The following ST8SIA6 variants were observed in gnomAD, a reference collection of about 807,000 sequenced individuals.
The protein encoded by ST8SIA6 is alpha-2,8-sialyltransferase 8F.
ST8SIA6 carries 39 observed loss-of-function variants against 33.6 expected under a neutral mutation model. That is an observed-to-expected ratio of 1.16 (90% confidence interval 0.90 to 1.52). ST8SIA6 has a LOEUF of 1.52. ST8SIA6 is among the 40% of genes most tolerant of loss of function. The pLI is 0.00. For synonymous variants in ST8SIA6, 172 were observed against 167.2 expected (o/e 1.03, Z -0.22); for missense variants, 441 against 443.8 (o/e 0.99, Z 0.06).
chr10:17,317,660 T>C lies in ST8SIA6; in HGVS notation c.*3218A>G, dbSNP rs1588767079. The stretch of plus-strand genomic sequence containing the variant: ...TCCACTTTTCCCAAAGCTTCCTAAT[T>C]CATGGAGTGATTTACGGTACTTGAC... On this transcript the variant is annotated 3_prime_UTR_variant, in exon 8 of 8. Coordinates refer to ENST00000377602, the MANE Select transcript of ST8SIA6 (RefSeq NM_001004470.3). Among the ~76,000 whole-genome samples the C allele has an allele frequency of 2.6e-5, 4 of 152,320 alleles. No individual in the cohort carries two copies. The highest frequency in any genetic ancestry group is 6.5e-5 in the Admixed American group (1 of 15,290).
intron 2 of ST8SIA6, chr10:17,410,394 C>G (rs2131693782): frequency 6.6e-6 from 1 of 152,306 alleles, no homozygotes; most frequent in Non-Finnish European, 1.5e-5. Context: ...AGGAGGAAAA[C>G]TACTTCATTC....
rs76871431 is a variant in ST8SIA6, at chr10:17,390,337, C to T, written c.290+194G>A. On this transcript the variant is annotated intron_variant, in intron 3 of 7. Coordinates refer to ENST00000377602, the MANE Select transcript of ST8SIA6 (RefSeq NM_001004470.3). ...CCAGGGACAAATAAGTTGAGTCCCA[C>T]TGCCAGGGTCTGACCCTGGTACACA... 6.7e-3 allele frequency among the ~76,000 whole-genome samples: 1,026 copies of T among 152,280 alleles called. 15 individuals are homozygous for T. Among genetic ancestry groups the T allele is most frequent in the African/African-American group, 0.024 (992 of 41,536 alleles).
At position 17,316,379 on chromosome 10, in the gene ST8SIA6, C is replaced by T. The variant is rs1286300210; in HGVS notation, c.*4499G>A. On this transcript the variant is annotated 3_prime_UTR_variant, in exon 8 of 8. Coordinates refer to ENST00000377602, the MANE Select transcript of ST8SIA6 (RefSeq NM_001004470.3). ...TGTATCATATTCCACACTATGGATC[C>T]AGTCAAGTTAGTTCACTGACTTCCG... Among the ~76,000 whole-genome samples, 3 of 152,086 alleles carry T rather than the reference C, an allele frequency of 2.0e-5. No individual in the cohort carries two copies. Among genetic ancestry groups the T allele is most frequent in the Non-Finnish European group, 4.4e-5 (3 of 67,950 alleles).
At chr10:17,351,329 C>T (rs1184775336) in intron 4 of ST8SIA6, among the ~76,000 whole-genome samples, 3 of 151,496 alleles carry the variant, frequency 2.0e-5, no homozygotes, top group Admixed American at 2.0e-4. Context: ...TTGGAAAATT[C>T]ATCTCAATTC....
intron 4 of ST8SIA6, among the ~76,000 whole-genome samples, chr10:17,352,220 A>G (rs1307346923): frequency 6.6e-6 from 1 of 152,202 alleles, no homozygotes; most frequent in Non-Finnish European, 1.5e-5. Flanking sequence ...AAACTCTTCA[A>G]AAAGTCCAAA....
intron 2 of ST8SIA6, among the ~76,000 whole-genome samples, chr10:17,449,847 T>G (rs1852846027): frequency 6.6e-6 from 1 of 152,150 alleles, no homozygotes; most frequent in East Asian, 1.9e-4. Flanking sequence ...GGGAGAAAGA[T>G]GGGGGCAATA....
intron 2 of ST8SIA6, among the ~76,000 whole-genome samples, chr10:17,414,023 A>AATACACGCCTCCTATCTTC (rs980865551): frequency 2.0e-5 from 3 of 152,140 alleles, no homozygotes; most frequent in African/African-American, 4.8e-5. Context: ...CCCCATGCCC[A>AATACACGCCTCCTATCTTC]ATACACGCCT....
At chr10:17,414,915 AT>A (rs1851556839) in intron 2 of ST8SIA6, among the ~76,000 whole-genome samples, 1 of 152,090 alleles carries the variant, frequency 6.6e-6, no homozygotes, top group African/African-American at 2.4e-5. Context: ...ACAGAAAAAA[AT>A]GTCCCTGCTC....
At chr10:17,423,389 C>A (rs910042011) in intron 2 of ST8SIA6, among the ~76,000 whole-genome samples, 1 of 152,106 alleles carries the variant, frequency 6.6e-6, no homozygotes, top group Admixed American at 6.6e-5. Context: ...ACTTAATATT[C>A]CTGGGATTCA....
rs1467402356 is a variant in ST8SIA6, at chr10:17,316,170, C to G, written c.*4708G>C. Among the ~76,000 whole-genome samples, 1 of 151,916 alleles carries G rather than the reference C, an allele frequency of 6.6e-6. No individual in the cohort carries two copies. The highest frequency in any genetic ancestry group is 1.5e-5 in the Non-Finnish European group (1 of 67,914). On this transcript the variant is annotated 3_prime_UTR_variant, in exon 8 of 8. Coordinates refer to ENST00000377602, the MANE Select transcript of ST8SIA6 (RefSeq NM_001004470.3). ...TATCCCTAAACCCACTCCGATTACC[C>G]TCTTCTTAATGGGTACCCTTCTTGT...
Position 17,320,758 on chromosome 10 carries a change from T to C in ST8SIA6, c.*120A>G. 1 of 1,062,900 alleles carries C rather than the reference T, an allele frequency of 9.4e-7. No homozygotes were observed. Among genetic ancestry groups the C allele is most frequent in the East Asian group, 2.5e-5 (1 of 39,518 alleles). 65.8% of individuals were successfully genotyped at this position (1,062,900 alleles called of 1,614,324 possible). On this transcript the variant is annotated 3_prime_UTR_variant, in exon 8 of 8. Coordinates refer to ENST00000377602, the MANE Select transcript of ST8SIA6 (RefSeq NM_001004470.3). ...TGCAAAATGAGTGGGGAAGCTTTGG[T>C]CAAACCAAATTTTGGGGCTCATCTC...
intron 4 of ST8SIA6, among the ~76,000 whole-genome samples, chr10:17,357,339 TG>T (rs1458505297): frequency 1.3e-5 from 2 of 151,466 alleles, no homozygotes; most frequent in African/African-American, 4.9e-5. Context: ...GGTTCCACCA[TG>T]TTGGTCAGGC....
chr10:17,333,706 T>TATATAGATATATATATATAG (rs1564405037), intron 4 of ST8SIA6, among the ~76,000 whole-genome samples: 4 of 30,846 alleles, frequency 1.3e-4, no homozygotes, highest in African/African-American at 6.6e-4. Flanking sequence ...TATATATATA[T>TATATAGATATATATATATAG]ATATATATAT....
At chr10:17,346,818 A>G (rs114629056) in intron 4 of ST8SIA6, among the ~76,000 whole-genome samples, 2,314 of 152,240 alleles carry the variant, frequency 0.015, 61 homozygotes, top group African/African-American at 0.052. Context: ...TCTATCTTAT[A>G]TCTGTATTAT....
At chr10:17,432,861 T>G (rs1852142995) in intron 2 of ST8SIA6, among the ~76,000 whole-genome samples, 1 of 152,226 alleles carries the variant, frequency 6.6e-6, no homozygotes, top group African/African-American at 2.4e-5. Flanking sequence ...CATAGACTGC[T>G]AAGTGTTCAA....
intron 3 of ST8SIA6, among the ~76,000 whole-genome samples, chr10:17,367,315 A>G (rs932905141): frequency 6.6e-6 from 1 of 152,174 alleles, no homozygotes; most frequent in African/African-American, 2.4e-5. Context: ...AGGCAAGAGA[A>G]TATGTGCAGG....
chr10:17,431,737 A>G (rs1029401122), intron 2 of ST8SIA6, among the ~76,000 whole-genome samples: 5 of 84,550 alleles, frequency 5.9e-5, no homozygotes, highest in Admixed American at 1.1e-4. Context: ...CTTCGTTTGG[A>G]AAAAAAAAAA....
rs1442343996 is a variant in ST8SIA6, at chr10:17,371,823, G to C, written c.291-12223C>G. ...AAAAAAGAAAGAAAGTAAAAAATGA[G>C]AAGGGAAAGCCACTGTATGATAAAT... On this transcript the variant is annotated intron_variant, in intron 3 of 7. Coordinates refer to ENST00000377602, the MANE Select transcript of ST8SIA6 (RefSeq NM_001004470.3). Among the ~76,000 whole-genome samples the C allele has an allele frequency of 5.1e-4, 71 of 138,558 alleles. 1 individual carries two copies. Among genetic ancestry groups the C allele is most frequent in the Non-Finnish European group, 6.4e-5 (4 of 62,704 alleles). 90.9% of individuals were successfully genotyped at this position (138,558 alleles called of 152,430 possible).
At chr10:17,325,391 C>T (rs111616439) in intron 6 of ST8SIA6, among the ~76,000 whole-genome samples, 3,144 of 145,454 alleles carry the variant, frequency 0.022, 37 homozygotes, top group East Asian at 0.036. Flanking sequence ...TTACAGTATA[C>T]GACAGTATAT....
Sources: allele counts gnomAD v4.1 joint callset (sites outside exome capture counted in the v4.1 genomes callset), GRCh38; gene constraint gnomAD v4.1.1; transcripts MANE v1.5; gene names NCBI Gene and HGNC (gene_info 2026-07-23, HGNC 2026-07-21).